The following SMG1 variants were observed in gnomAD, a reference collection of about 807,000 sequenced individuals.
SMG1 encodes serine/threonine-protein kinase SMG1.
A neutral mutation model predicts 419.9 loss-of-function variants in SMG1; 22 were observed. The observed-to-expected ratio is 0.05, with a 90% CI of 0.04 to 0.07. The LOEUF (loss-of-function observed/expected upper bound fraction) is 0.07, where lower values mean the gene tolerates loss of function less well. SMG1 is among the 10% of genes least tolerant of loss of function. The pLI, the probability that SMG1 is intolerant of heterozygous loss-of-function variation, is 1.00. For synonymous variants in SMG1, 1,538 were observed against 1,553.5 expected, an observed-to-expected ratio of 0.99 and a Z score of 0.23; for missense variants, 3,185 against 4,342.0, an observed-to-expected ratio of 0.73 and a Z score of 7.49.
chr16:18,836,679 T>C (rs2033595825), intron 46 of SMG1, 147 bp from the exon 47 acceptor site: 4 of 766,618 alleles, frequency 5.2e-6, no homozygotes, highest in Non-Finnish European at 8.3e-6. Context: ...CTTACTTCTC[T>C]GTTTTTCCTG....
intron 49 of SMG1, 35 bp downstream of exon 49, chr16:18,834,857 C>T (rs972982817): frequency 3.8e-6 from 6 of 1,592,934 alleles, no homozygotes; most frequent in Non-Finnish European, 5.1e-6. Flanking sequence ...AAATAAGACA[C>T]AGGAAATGGT....
chr16:18,872,905 G>A (rs2035901625), intron 13 of SMG1, among the ~76,000 whole-genome samples: 1 of 152,106 alleles, frequency 6.6e-6, no homozygotes, highest in Non-Finnish European at 1.5e-5. Flanking sequence ...TGTAATCCTA[G>A]CACTTTGGGA....
At chr16:18,849,552 G>A (rs368793820) in intron 35 of SMG1, among the ~76,000 whole-genome samples, 174 bp from the exon 36 acceptor site, 3 of 152,096 alleles carry the variant, frequency 2.0e-5, no homozygotes, top group Non-Finnish European at 2.9e-5. Context: ...TTCTTGATTC[G>A]CAAGTCTGGT....
At chr16:18,919,646 GTGTGTATA>G (rs1436354178) in intron 1 of SMG1, among the ~76,000 whole-genome samples, 1 of 101,120 alleles carries the variant, frequency 9.9e-6, no homozygotes, top group South Asian at 3.6e-4. Flanking sequence ...GTGTGTGTGT[GTGTGTATA>G]TATACACACA....
At chr16:18,877,000 T>C in intron 12 of SMG1, 131 bp downstream of exon 12, 1 of 636,134 alleles carries the variant, frequency 1.6e-6, no homozygotes, top group Non-Finnish European at 2.7e-6. Context: ...AAAGAACAAA[T>C]ACAATCACTA....
intron 22 of SMG1, 72 bp downstream of exon 22, chr16:18,868,118 T>C: frequency 8.1e-7 from 1 of 1,236,758 alleles, no homozygotes; most frequent in Admixed American, 2.0e-5. Flanking sequence ...ATAGATTAAA[T>C]CATACCAAAG....
intron 1 of SMG1, among the ~76,000 whole-genome samples, chr16:18,904,690 A>G (rs1444783046): frequency 6.6e-6 from 1 of 151,966 alleles, no homozygotes; most frequent in Non-Finnish European, 1.5e-5. Flanking sequence ...TAATCCCAGC[A>G]CTTTGGGAGG....
intron 23 of SMG1, among the ~76,000 whole-genome samples, chr16:18,865,429 A>G (rs1281065937): frequency 6.6e-6 from 1 of 152,222 alleles, no homozygotes; most frequent in Non-Finnish European, 1.5e-5. Context: ...GCAATAGAAT[A>G]TATCATAAGA....
intron 51 of SMG1, among the ~76,000 whole-genome samples, chr16:18,832,097 G>T (rs1331891756): frequency 6.6e-6 from 1 of 152,134 alleles, no homozygotes; most frequent in Non-Finnish European, 1.5e-5. Flanking sequence ...GTGGCAGGGG[G>T]TTCATTAGAC....
chr16:18,906,207 C>T (rs568144322), intron 1 of SMG1, among the ~76,000 whole-genome samples: 26 of 152,092 alleles, frequency 1.7e-4, no homozygotes, highest in African/African-American at 4.1e-4. Flanking sequence ...GTACCAGCTG[C>T]GCACGGTGGT....
chr16:18,908,365 C>CAAAA (rs935478285), intron 1 of SMG1, among the ~76,000 whole-genome samples: 2 of 77,648 alleles, frequency 2.6e-5, no homozygotes, highest in Non-Finnish European at 5.1e-5. Context: ...ACTCAGTCTC[C>CAAAA]AAAAAAAAAA....
chr16:18,864,345 G>A (rs187685071), intron 23 of SMG1, among the ~76,000 whole-genome samples: 122 of 151,284 alleles, frequency 8.1e-4, no homozygotes, highest in African/African-American at 2.8e-3. Flanking sequence ...ACAGGCGCTC[G>A]CCACCATGCC....
chr16:18,916,122 A>G (rs912444540), intron 1 of SMG1, among the ~76,000 whole-genome samples: 2 of 150,004 alleles, frequency 1.3e-5, no homozygotes, highest in African/African-American at 4.9e-5. Context: ...CACCACTTAT[A>G]CATACATAAA....
In SMG1 at chr16:18,869,875, T is replaced by C. The variant is rs781393434; in HGVS notation, c.2612A>G (p.Tyr871Cys). Reference sequence around the variant, plus strand: ...TTACCCTGTTCTATGAGAGTTCCCATACAAAATAAAACTAATAACATCAGA... The same window carrying C: ...TTACCCTGTTCTATGAGAGTTCCCACACAAAATAAAACTAATAACATCAGA... ...DFSDVISFIL[Y>C]GNSHRTGKDN... Residue 871 changes from tyrosine to cysteine, a missense_variant, in exon 19 of 63, where the codon TAT (tyrosine) becomes TGT (cysteine). Tyr to Cys is a radical substitution (Grantham distance 194). Around this residue, in one of 27 missense-constraint regions of SMG1, gnomAD observed 297 missense variants for 491.0 expected, o/e 0.60. Transcript: ENST00000446231. The C allele has an allele frequency of 1.3e-6, 2 of 1,582,566 alleles. No individual in the cohort carries two copies. Among genetic ancestry groups the C allele is most frequent in the South Asian group, 1.1e-5 (1 of 90,364 alleles).
At position 18,837,399 on chromosome 16, in the gene SMG1, G is replaced by T. The variant is rs2033643334; in HGVS notation, c.7458C>A (p.Pro2486=). The part of the protein sequence containing the change: ...KNRDEMLVVL[P]KLDGSLDEYL... ...ATTCATCTAAGCTACCGTCCAACTTGGGAAGCACAACCAGCATCTCATCTC... is the reference window on the plus strand; with the variant it reads ...ATTCATCTAAGCTACCGTCCAACTTTGGAAGCACAACCAGCATCTCATCTC... Residue 2486 remains proline, a synonymous_variant, in exon 46 of 63, where the codon CCC becomes CCA. Coordinates refer to ENST00000446231, the MANE Select transcript of SMG1 (RefSeq NM_015092.5). 1.2e-6 allele frequency: 2 copies of T among 1,613,850 alleles called. No homozygotes were observed. The highest frequency in any genetic ancestry group is 1.7e-6 in the Non-Finnish European group (2 of 1,179,836).
At chr16:18,852,246 A>T (rs1459424389) in intron 32 of SMG1, 41 bp from the exon 33 acceptor site, 12 of 1,606,300 alleles carry the variant, frequency 7.5e-6, no homozygotes, top group Non-Finnish European at 1.0e-5. Flanking sequence ...AGCTACCCAA[A>T]CTTTACCATA....
intron 1 of SMG1, among the ~76,000 whole-genome samples, chr16:18,904,215 G>A (rs1191103037): frequency 6.6e-6 from 1 of 150,992 alleles, no homozygotes; most frequent in African/African-American, 2.4e-5. Flanking sequence ...GGGATTACAG[G>A]CTTGAGCCAC....
chr16:18,818,078 TAA>T (rs34054818), intron 56 of SMG1, among the ~76,000 whole-genome samples: 136 of 141,850 alleles, frequency 9.6e-4, no homozygotes, highest in Non-Finnish European at 8.6e-4. Flanking sequence ...CATGCCTAGC[TAA>T]AAAAAAAAAA....
chr16:18,901,995 G>A (rs1461657951), intron 1 of SMG1, among the ~76,000 whole-genome samples: 1 of 151,260 alleles, frequency 6.6e-6, no homozygotes, highest in Non-Finnish European at 1.5e-5. Flanking sequence ...TTGTTCATCT[G>A]GGGGTTTTAG....
Sources: gnomAD v4.1 joint callset for allele counts (sites outside exome capture counted in the v4.1 genomes callset) on GRCh38, gnomAD v4.1.1 for gene constraint, gnomAD v4.1.1 regional missense constraint, MANE v1.5 for transcripts, NCBI Gene and HGNC (gene_info 2026-07-23, HGNC 2026-07-21) for gene names.